Variants in ASCC3 observed in about 807,000 individuals in gnomAD.
ASCC3 encodes ASC-1 complex subunit P200.
ASCC3 carries 158 observed loss-of-function variants against 256.3 expected under a neutral mutation model. The ratio of observed to expected loss-of-function variants is 0.62; its 90% CI spans 0.54 to 0.70. ASCC3 has a LOEUF of 0.70. Among genes scored for constraint, ASCC3 ranks in the 30% least tolerant of loss-of-function variants. The pLI is 0.00. For missense variants in ASCC3, 2,259 were observed against 2,626.0 expected, an observed-to-expected ratio of 0.86 and a Z score of 3.05; for synonymous variants, 948 against 883.4, an observed-to-expected ratio of 1.07 and a Z score of -1.30.
Position 100,522,122 on chromosome 6 carries a change from C to T in ASCC3, c.5776-3980G>A, listed in dbSNP as rs1359599971. The stretch of plus-strand genomic sequence containing the variant: ...AACATTAGGCAAATACTTAATACCC[C>T]TTTACCTCTTATCCACTTTCTACTT... On this transcript the variant is annotated intron_variant, in intron 37 of 41. Coordinates refer to ENST00000369162, the MANE Select transcript of ASCC3 (RefSeq NM_006828.4). 3.3e-5 allele frequency among the ~76,000 whole-genome samples: 5 copies of T among 152,078 alleles called. No homozygotes were observed. The South Asian group carries it at 8.3e-4, about 25-fold the overall frequency.
intron 10 of ASCC3, among the ~76,000 whole-genome samples, chr6:100,741,519 A>T (rs147478934): frequency 5.8e-4 from 88 of 152,288 alleles, no homozygotes; most frequent in African/African-American, 2.0e-3. Flanking sequence ...TAGGTACCCC[A>T]ATCAGTCGTA....
intron 8 of ASCC3, among the ~76,000 whole-genome samples, chr6:100,789,475 C>T (rs1414325282): frequency 6.6e-6 from 1 of 151,918 alleles, no homozygotes; most frequent in African/African-American, 2.4e-5. Context: ...GTAATTTGTA[C>T]ATTTCTTAAC....
chr6:100,864,243 T>C (rs1386397298), intron 2 of ASCC3, 29 bp from the exon 3 acceptor site: 1 of 1,554,034 alleles, frequency 6.4e-7, no homozygotes, highest in Non-Finnish European at 8.8e-7. Flanking sequence ...TGTAGAAAAG[T>C]ACTGCTTAAA....
intron 4 of ASCC3, among the ~76,000 whole-genome samples, chr6:100,814,197 G>A (rs1488103989): frequency 3.3e-5 from 5 of 152,208 alleles, no homozygotes; most frequent in African/African-American, 1.2e-4. Flanking sequence ...ATTGAGGTAA[G>A]CATGTGGTTT....
At chr6:100,580,435 T>C (rs1424720653) in intron 36 of ASCC3, among the ~76,000 whole-genome samples, 1 of 152,074 alleles carries the variant, frequency 6.6e-6, no homozygotes, top group East Asian at 1.9e-4. Flanking sequence ...AATGGGTTTA[T>C]ATATTTAGAA....
intron 4 of ASCC3, among the ~76,000 whole-genome samples, chr6:100,839,273 T>A (rs1269110847): frequency 6.6e-6 from 1 of 152,116 alleles, no homozygotes; most frequent in Non-Finnish European, 1.5e-5. Context: ...TAGATACCTT[T>A]TATGTCCCCA....
chr6:100,824,773 A>G (rs753922600), intron 4 of ASCC3, among the ~76,000 whole-genome samples: 1 of 152,226 alleles, frequency 6.6e-6, no homozygotes, highest in Non-Finnish European at 1.5e-5. Context: ...AAGAAGTATT[A>G]GAGGTAAATA....
At chr6:100,873,115 G>A (rs1347736640) in intron 1 of ASCC3, among the ~76,000 whole-genome samples, 1 of 152,066 alleles carries the variant, frequency 6.6e-6, no homozygotes, top group Non-Finnish European at 1.5e-5. Context: ...GAAAGGCAAA[G>A]CCCAATTTAT....
Position 100,551,911 on chromosome 6 carries a change from T to C in ASCC3, c.5551-11524A>G, listed in dbSNP as rs527372715. Among the ~76,000 whole-genome samples, 288 of 151,956 alleles carry C rather than the reference T, an allele frequency of 1.9e-3. 1 individual carries two copies. The highest frequency in any genetic ancestry group is 1.9e-3 in the Non-Finnish European group (132 of 67,852). On this transcript the variant is annotated intron_variant, in intron 36 of 41. Coordinates refer to ENST00000369162, the MANE Select transcript of ASCC3 (RefSeq NM_006828.4). ...TTAGAGATATTATAGATCTCTAGGG[T>C]GGGCATGGTGTGGGATGAGGTGGTG... is the stretch of plus-strand genomic sequence containing the variant.
intron 14 of ASCC3, among the ~76,000 whole-genome samples, chr6:100,665,754 A>T (rs1776439108): frequency 6.6e-6 from 1 of 150,826 alleles, no homozygotes; most frequent in African/African-American, 2.5e-5. Context: ...AACAAAAAAA[A>T]AAGAAGAAAA....
intron 36 of ASCC3, among the ~76,000 whole-genome samples, chr6:100,557,170 A>T (rs182132275): frequency 1.3e-5 from 2 of 152,112 alleles, no homozygotes; most frequent in Non-Finnish European, 2.9e-5. Flanking sequence ...CATTTATCTC[A>T]ACATTTATTT....
intron 37 of ASCC3, among the ~76,000 whole-genome samples, chr6:100,537,893 G>T (rs1775243347): frequency 6.7e-6 from 1 of 149,784 alleles, no homozygotes. Flanking sequence ...GATATATATA[G>T]ATATATATAC....
intron 36 of ASCC3, among the ~76,000 whole-genome samples, chr6:100,589,307 C>T (rs1771864477): frequency 6.6e-6 from 1 of 152,084 alleles, no homozygotes; most frequent in Non-Finnish European, 1.5e-5. Flanking sequence ...ATAAGAAAAG[C>T]TTTCAATCAT....
intron 36 of ASCC3, among the ~76,000 whole-genome samples, chr6:100,589,300 A>C (rs1196045055): frequency 1.3e-5 from 2 of 152,158 alleles, no homozygotes; most frequent in Non-Finnish European, 2.9e-5. Flanking sequence ...AAAAGTAATA[A>C]GAAAAGCTTT....
At chr6:100,577,602 C>T (rs772397365) in intron 36 of ASCC3, among the ~76,000 whole-genome samples, 14 of 152,008 alleles carry the variant, frequency 9.2e-5, no homozygotes, top group Non-Finnish European at 1.5e-4. Flanking sequence ...TGATAATGGG[C>T]AACACCTGCT....
At chr6:100,863,184 T>C (rs796414531) in intron 3 of ASCC3, among the ~76,000 whole-genome samples, 3 of 152,326 alleles carry the variant, frequency 2.0e-5, no homozygotes, top group African/African-American at 7.2e-5. Context: ...TATGATGAAT[T>C]TCAATGTACA....
intron 17 of ASCC3, among the ~76,000 whole-genome samples, 190 bp downstream of exon 17, chr6:100,655,509 A>T (rs1775872195): frequency 6.6e-6 from 1 of 151,848 alleles, no homozygotes; most frequent in Admixed American, 6.6e-5. Context: ...GTAGAAAAAG[A>T]TATTTAAATA....
chr6:100,607,153 T>C (rs964081172), intron 30 of ASCC3, 65 bp from the exon 31 acceptor site: 56 of 1,530,168 alleles, frequency 3.7e-5, no homozygotes, highest in Admixed American at 1.0e-4. Flanking sequence ...TAATTTTTCA[T>C]GTTTCAAAAA....
chr6:100,790,629 TA>T (rs1231389555), intron 8 of ASCC3, among the ~76,000 whole-genome samples: 2 of 151,972 alleles, frequency 1.3e-5, no homozygotes, highest in Non-Finnish European at 2.9e-5. Context: ...GAATATAACT[TA>T]AATTCATTAG....
Sources: allele counts gnomAD v4.1 joint callset (sites outside exome capture counted in the v4.1 genomes callset), GRCh38; gene constraint gnomAD v4.1.1; transcripts MANE v1.5; gene names NCBI Gene and HGNC (gene_info 2026-07-23, HGNC 2026-07-21).